IFNAR2: variants seen among roughly 807,000 people sequenced by gnomAD.
IFNAR2 encodes the protein interferon alpha and beta receptor subunit 2.
In IFNAR2, 30 loss-of-function variants were observed where a neutral mutation model predicts 49.4. The observed-to-expected ratio is 0.61, with a 90% CI of 0.45 to 0.82. IFNAR2 has a LOEUF of 0.82. IFNAR2 is among the 40% of genes least tolerant of loss of function. IFNAR2 has a pLI of 0.00. For synonymous variants in IFNAR2, 224 were observed against 234.5 expected (o/e 0.96, Z 0.41); for missense variants, 600 against 622.7 (o/e 0.96, Z 0.39).
At chr21:33,251,574 C>A (rs1776706721) in intron 6 of IFNAR2, 1 of 985,264 alleles carries the variant, frequency 1.0e-6, no homozygotes, top group South Asian at 4.7e-5. Context: ...TGTTTGTTTA[C>A]TAACTCCTCC....
intron 1 of IFNAR2, among the ~76,000 whole-genome samples, chr21:33,232,740 G>C (rs916263164): frequency 1.3e-5 from 2 of 151,992 alleles, no homozygotes; most frequent in Non-Finnish European, 2.9e-5. Context: ...TTTATGCTGG[G>C]TGAAGGTGAG....
At chr21:33,259,169 C>T (rs966712258) in intron 7 of IFNAR2, among the ~76,000 whole-genome samples, 14 of 151,986 alleles carry the variant, frequency 9.2e-5, no homozygotes, top group Admixed American at 9.2e-4. Flanking sequence ...CAGAGACAGA[C>T]AGGTTTGTCC....
rs34865572 is a variant in IFNAR2, at chr21:33,262,774, CTT to C, written c.841-5_841-4del. On this transcript the variant is annotated splice_polypyrimidine_tract_variant and intron_variant, in intron 8 of 8. Coordinates refer to ENST00000342136, the MANE Select transcript of IFNAR2 (RefSeq NM_001289125.3). ...TACAGCTGATACGGACTCTCTCTCT[CTT>C]TTTTTTTTTTTTTAAGAATTTTCAT... 8.2e-3 allele frequency: 11,392 copies of C among 1,393,254 alleles called. No homozygotes were observed. Among genetic ancestry groups the C allele is most frequent in the East Asian group, 0.024 (940 of 39,108 alleles). 86.3% of individuals were successfully genotyped at this position (1,393,254 alleles called of 1,614,324 possible). A position where few individuals can be genotyped will look rare whatever the true frequency, so the allele number is the denominator to read the frequency against.
chr21:33,241,357 T>C (rs1329460859), intron 1 of IFNAR2, among the ~76,000 whole-genome samples: 1 of 152,168 alleles, frequency 6.6e-6, no homozygotes. Flanking sequence ...TGGAAATAAT[T>C]CAAATGTCTA....
rs1362875148 is a variant in IFNAR2 at position 33,252,718 on chromosome 21, G to A, written c.597G>A (p.Lys199=). The change falls in exon 7 of 9, where the codon AAG becomes AAA. Residue 199 remains lysine, a synonymous_variant. Coordinates refer to ENST00000342136, the MANE Select transcript of IFNAR2 (RefSeq NM_001289125.3). ...GAAATTTCACCTATATCATTGACAA[G>A]TTAATTCCAAACACGAACTACTGTG... is the stretch of plus-strand genomic sequence containing the variant. ...MSGNFTYIID[K]LIPNTNYCVS... The A allele has an allele frequency of 6.2e-7, 1 of 1,613,814 alleles. No individual in the cohort carries two copies. The highest frequency in any genetic ancestry group is 8.5e-7 in the Non-Finnish European group (1 of 1,179,770).
At chr21:33,238,919 G>A (rs1459229148) in intron 1 of IFNAR2, among the ~76,000 whole-genome samples, 2 of 152,154 alleles carry the variant, frequency 1.3e-5, no homozygotes, top group Non-Finnish European at 2.9e-5. Context: ...CAAAGAGTAA[G>A]AGAAATACAA....
intron 7 of IFNAR2, among the ~76,000 whole-genome samples, chr21:33,254,849 C>G (rs2123510758): frequency 6.6e-6 from 1 of 152,316 alleles, no homozygotes; most frequent in East Asian, 1.9e-4. Context: ...TCGGGATCTC[C>G]TGGGGCTGTG....
At chr21:33,257,607 T>G (rs1463266656) in intron 7 of IFNAR2, among the ~76,000 whole-genome samples, 1 of 152,118 alleles carries the variant, frequency 6.6e-6, no homozygotes, top group East Asian at 1.9e-4. Context: ...TACAGAATGC[T>G]GACTTGTGCA....
chr21:33,257,799 T>C (rs978430352), intron 7 of IFNAR2, among the ~76,000 whole-genome samples: 1 of 151,758 alleles, frequency 6.6e-6, no homozygotes, highest in Non-Finnish European at 1.5e-5. Flanking sequence ...CAGTAGTGGG[T>C]GTGCACTGAC....
At position 33,263,007 on chromosome 21, in the gene IFNAR2, C is replaced by T; in HGVS notation, c.1055C>T (p.Ala352Val). Residue 352 changes from alanine (A) to valine (V), a missense_variant, in exon 9 of 9, where the codon GCC (alanine) becomes GTC (valine). By Grantham distance (64) the Ala-to-Val change is moderately conservative. Transcript: ENST00000342136. ...LTVRPLGQASATSTESQLIDP... is the reference protein window; with the variant it reads ...LTVRPLGQASVTSTESQLIDP... ...GTCAGGCCTCTGGGTCAGGCCTCTGCCACCTCTACAGAATCCCAGTTGATA... is the reference window on the plus strand; with the variant it reads ...GTCAGGCCTCTGGGTCAGGCCTCTGTCACCTCTACAGAATCCCAGTTGATA... 2 of 1,614,172 alleles carry T rather than the reference C, an allele frequency of 1.2e-6. No homozygotes were observed. The highest frequency in any genetic ancestry group is 8.5e-7 in the Non-Finnish European group (1 of 1,180,012).
In IFNAR2 at chr21:33,248,647, GACTTTGTGGGCC is replaced by G. The variant is rs1021778900; in HGVS notation, c.395-59_395-48del. On this transcript the variant is annotated intron_variant, in intron 5 of 8. Coordinates refer to ENST00000342136, the MANE Select transcript of IFNAR2 (RefSeq NM_001289125.3). ...ACAGGGCCAGAGAAGAACCACTTTA[GACTTTGTGGGCC>G]ACATATGGTCTCTGTGACATATTCC... is the stretch of plus-strand genomic sequence containing the variant. The G allele has an allele frequency of 1.7e-5, 25 of 1,497,992 alleles. No individual in the cohort carries two copies. The African/African-American group carries it at 2.5e-4, about 15-fold the overall frequency. The allele number at this position is 1,497,992 out of a possible 1,614,324, so 92.8% of individuals were successfully genotyped here. A position where few individuals can be genotyped will look rare whatever the true frequency, so the allele number is the denominator to read the frequency against.
At chr21:33,246,072 A>AT (rs35111583) in intron 4 of IFNAR2, among the ~76,000 whole-genome samples, 19,277 of 139,494 alleles carry the variant, frequency 0.14, 1,476 homozygotes, top group African/African-American at 0.19. Flanking sequence ...TCATCCGGCA[A>AT]TTTTTTTTTT....
chr21:33,231,994 A>G (rs1885979022), intron 1 of IFNAR2, among the ~76,000 whole-genome samples: 1 of 151,986 alleles, frequency 6.6e-6, no homozygotes, highest in African/African-American at 2.4e-5. Context: ...CCTGCTTTGG[A>G]CTCCCAAAGT....
At chr21:33,248,450 G>A (rs1267713101) in intron 5 of IFNAR2, among the ~76,000 whole-genome samples, 1 of 151,930 alleles carries the variant, frequency 6.6e-6, no homozygotes, top group Non-Finnish European at 1.5e-5. Flanking sequence ...AAGGACAAAT[G>A]CAAAAATTTA....
Position 33,230,200 on chromosome 21 carries a change from A to C in IFNAR2, c.-100A>C. On this transcript the variant is annotated 5_prime_UTR_variant, in exon 1 of 9. Coordinates refer to ENST00000342136, the MANE Select transcript of IFNAR2 (RefSeq NM_001289125.3). The surrounding 1 kb of genome is among the most constrained non-coding windows in gnomAD (Gnocchi z 5.5). ...AGGCTAGCATCTCTCGGGAGCCGCA[A>C]GGCGAGAGCTGCAAAGGTAACGCAG... The C allele has an allele frequency of 9.7e-7, 1 of 1,032,138 alleles. No homozygotes were observed. The highest frequency in any genetic ancestry group is 1.2e-6 in the Non-Finnish European group (1 of 855,798). The allele number at this position is 1,032,138 out of a possible 1,614,324, so 63.9% of individuals were successfully genotyped here. A position where few individuals can be genotyped will look rare whatever the true frequency, so the allele number is the denominator to read the frequency against.
chr21:33,265,237 A>G lies in IFNAR2; in HGVS notation c.*1737A>G, dbSNP rs1200336996. 6.6e-6 allele frequency: 1 copy of G among 152,274 alleles called. No homozygotes were observed. Among genetic ancestry groups the G allele is most frequent in the Non-Finnish European group, 1.5e-5 (1 of 68,088 alleles). The allele number at this position is 152,274 out of a possible 1,614,324, so 9.4% of individuals were successfully genotyped here. A position where few individuals can be genotyped will look rare whatever the true frequency, so the allele number is the denominator to read the frequency against. Reference sequence around the variant, plus strand: ...TGAACACTCAGGTGGAAATGCTGCAATCCTGAGAAGCTCCCAGGATGAATG... The same window carrying G: ...TGAACACTCAGGTGGAAATGCTGCAGTCCTGAGAAGCTCCCAGGATGAATG... On this transcript the variant is annotated 3_prime_UTR_variant, in exon 9 of 9. Coordinates refer to ENST00000342136, the MANE Select transcript of IFNAR2 (RefSeq NM_001289125.3).
intron 5 of IFNAR2, among the ~76,000 whole-genome samples, chr21:33,248,308 A>G (rs11701411): frequency 1.4e-5 from 2 of 142,952 alleles, no homozygotes; most frequent in African/African-American, 2.5e-5. Context: ...GGAGTTCAAG[A>G]CCAGCCCGAG....
intron 6 of IFNAR2, 161 bp from the exon 7 acceptor site, chr21:33,252,501 C>G (rs1987924716): frequency 2.0e-6 from 2 of 984,952 alleles, no homozygotes; most frequent in Admixed American, 6.1e-5. Context: ...GTGTAGTTTT[C>G]TGATAAATTA....
chr21:33,260,483 TCAAACC>T, intron 7 of IFNAR2, 108 bp from the exon 8 acceptor site: 1 of 1,009,398 alleles, frequency 9.9e-7, no homozygotes, highest in Non-Finnish European at 1.4e-6. Flanking sequence ...AACTGTTTTT[TCAAACC>T]TTTGGTTTCT....
Sources: allele counts gnomAD v4.1 joint callset (sites outside exome capture counted in the v4.1 genomes callset), GRCh38; gene constraint gnomAD v4.1.1; non-coding constraint Gnocchi (gnomAD v3.1); transcripts MANE v1.5; gene names NCBI Gene and HGNC (gene_info 2026-07-23, HGNC 2026-07-21).